MTMR2: variants seen among roughly 807,000 people sequenced by gnomAD.
The protein encoded by MTMR2 is myotubularin related protein 2.
MTMR2 carries 55 observed loss-of-function variants against 86.9 expected under a neutral mutation model. The ratio of observed to expected loss-of-function variants is 0.63; its 90% CI spans 0.51 to 0.79. MTMR2 has a LOEUF of 0.79. Among genes scored for constraint, MTMR2 ranks in the 30% least tolerant of loss-of-function variants. The pLI, the probability that MTMR2 is intolerant of heterozygous loss-of-function variation, is 0.00. For synonymous variants in MTMR2, 241 were observed against 266.8 expected (o/e 0.90, Z 0.94); for missense variants, 659 against 772.3 (o/e 0.85, Z 1.74).
intron 7 of MTMR2, among the ~76,000 whole-genome samples, chr11:95,851,996 T>C (rs537566423): frequency 1.3e-5 from 2 of 152,350 alleles, no homozygotes; most frequent in South Asian, 4.1e-4. Flanking sequence ...TTTTCCATCC[T>C]TCACTGTATA....
chr11:95,899,380 G>A (rs1865990969), intron 1 of MTMR2, among the ~76,000 whole-genome samples: 1 of 152,076 alleles, frequency 6.6e-6, no homozygotes, highest in African/African-American at 2.4e-5. Context: ...GCTGCTTTCT[G>A]TCTTGAAATT....
At position 95,888,720 on chromosome 11, in the gene MTMR2, T is replaced by TACAC. The variant is rs139869459; in HGVS notation, c.81-463_81-460dup. Reference sequence around the variant, plus strand: ...AAATAGAAACACATACACACACACATACACACACACACACACACACAAACA... The same window carrying TACAC: ...AAATAGAAACACATACACACACACATACACACACACACACACACACACACAAACA... On this transcript the variant is annotated intron_variant, in intron 1 of 14. Transcript: ENST00000346299. 1.4e-3 allele frequency among the ~76,000 whole-genome samples: 187 copies of TACAC among 136,780 alleles called. 2 individuals carry two copies. The Middle Eastern group carries it at 0.015, about 11-fold the overall frequency. The allele number at this position is 136,780 out of a possible 152,430, so 89.7% of individuals were successfully genotyped here.
At chr11:95,915,824 C>T (rs966137403) in intron 1 of MTMR2, among the ~76,000 whole-genome samples, 5 of 152,140 alleles carry the variant, frequency 3.3e-5, no homozygotes, top group African/African-American at 1.2e-4. Flanking sequence ...CCGTGCAATT[C>T]CTTGAGCTCT....
At chr11:95,907,541 C>G (rs963393355) in intron 1 of MTMR2, among the ~76,000 whole-genome samples, 7 of 151,998 alleles carry the variant, frequency 4.6e-5, no homozygotes, top group African/African-American at 1.7e-4. Context: ...GATACAAAAG[C>G]CTGGCAGACA....
chr11:95,922,210 T>C (rs1866952511), intron 1 of MTMR2, among the ~76,000 whole-genome samples: 1 of 152,174 alleles, frequency 6.6e-6, no homozygotes, highest in African/African-American at 2.4e-5. Context: ...ACCAAAGAGC[T>C]AGCTCAGCCA....
At chr11:95,866,276 A>C (rs1216918782) in intron 2 of MTMR2, 1 of 155,856 alleles carries the variant, frequency 6.4e-6, no homozygotes, top group African/African-American at 2.4e-5. Context: ...AAGAATGTGG[A>C]TACAGAAACA....
rs1413555427 is a variant in MTMR2 at position 95,910,024 on chromosome 11, C to T, written c.80+13851G>A. On this transcript the variant is annotated intron_variant, in intron 1 of 14. Coordinates refer to ENST00000346299, the MANE Select transcript of MTMR2 (RefSeq NM_016156.6). ...AAAATTGAATATACATACTTTTAAA[C>T]TTACAAGTTTTAGTTAACTGATGAA... Among the ~76,000 whole-genome samples, 4 of 152,036 alleles carry T rather than the reference C, an allele frequency of 2.6e-5. No individual in the cohort carries two copies. The South Asian group carries it at 8.3e-4, about 32-fold the overall frequency.
At chr11:95,877,321 A>C (rs1865152883) in intron 2 of MTMR2, among the ~76,000 whole-genome samples, 2 of 124,150 alleles carry the variant, frequency 1.6e-5, no homozygotes, top group East Asian at 2.6e-4. Flanking sequence ...AAGATCAAGC[A>C]CAGGGAAGCC....
rs1324793477 is a variant in MTMR2, at chr11:95,849,781, T to G, written c.886A>C (p.Ser296Arg). 6.2e-7 allele frequency: 1 copy of G among 1,614,058 alleles called. No homozygotes were observed. Among genetic ancestry groups the G allele is most frequent in the East Asian group, 2.2e-5 (1 of 44,890 alleles). ...TGAAGGTATTTTTCATCTTCTTTGC[T>G]TCGCTTTCCACTCACTCCAACCATG... ...QPMVGVSGKR[S>R]KEDEKYLQAI... Residue 296 changes from serine to arginine, a missense_variant, in exon 9 of 15, where the codon AGC (serine) becomes CGC (arginine). Physicochemically the swap from Ser to Arg is moderately radical, Grantham distance 110. This residue lies in a region of MTMR2 where 387 missense variants were observed against 526.3 expected (regional missense o/e 0.74). Coordinates refer to ENST00000346299, the MANE Select transcript of MTMR2 (RefSeq NM_016156.6).
Position 95,835,412 on chromosome 11 carries a change from G to A in MTMR2, c.1810C>T (p.Arg604Ter), listed in dbSNP as rs138746296. 7.4e-6 allele frequency: 12 copies of A among 1,612,966 alleles called. No individual in the cohort carries two copies. Among genetic ancestry groups the A allele is most frequent in the Admixed American group, 1.7e-5 (1 of 59,870 alleles). ...TCTACTTTTTTCTGAAGCTCTGCTC[G>A]TTTAGCAAGAAGTTCTTTGTATCTG... Reference protein sequence around the residue: ...HNRYKELLAKRAELQKKVEEL... With the variant: ...HNRYKELLAK Residue 604 changes from arginine (R) to a stop codon, truncating the protein, a stop_gained, in exon 15 of 15, where the codon CGA (arginine) becomes TGA (stop). Transcript: ENST00000346299. LOFTEE classifies it high-confidence loss of function.
intron 1 of MTMR2, among the ~76,000 whole-genome samples, chr11:95,905,042 T>G (rs1416268034): frequency 2.0e-5 from 3 of 152,178 alleles, no homozygotes; most frequent in Admixed American, 6.5e-5. Flanking sequence ...TTTAACATAG[T>G]TGATCACACC....
At position 95,836,300 on chromosome 11, in the gene MTMR2, G is replaced by A. The variant is rs142687077; in HGVS notation, c.1618C>T (p.Leu540=). The A allele has an allele frequency of 1.4e-5, 22 of 1,612,758 alleles. No individual in the cohort carries two copies. Among genetic ancestry groups the A allele is most frequent in the Admixed American group, 3.3e-5 (2 of 59,928 alleles). The part of the protein sequence containing the change: ...KENLPKRTVS[L]WSYINSQLED... ...AGCTGGCTGTTTATGTAAGACCACA[G>A]TGACACAGTCCTTTTAGGAAGATTC... The change falls in exon 14 of 15, where the codon CTG becomes TTG. Residue 540 remains leucine, a synonymous_variant. Coordinates refer to ENST00000346299, the MANE Select transcript of MTMR2 (RefSeq NM_016156.6).
chr11:95,850,923 T>C (rs1489523429), intron 7 of MTMR2, among the ~76,000 whole-genome samples, 174 bp from the exon 8 acceptor site: 1 of 152,188 alleles, frequency 6.6e-6, no homozygotes, highest in Non-Finnish European at 1.5e-5. Context: ...TATTCTAATG[T>C]AGGGATACGT....
intron 1 of MTMR2, among the ~76,000 whole-genome samples, chr11:95,898,730 C>T (rs1317074843): frequency 6.6e-6 from 1 of 152,060 alleles, no homozygotes; most frequent in Non-Finnish European, 1.5e-5. Flanking sequence ...GAGAGACCAC[C>T]TAACAATGCT....
chr11:95,862,554 C>T (rs1864465121), intron 3 of MTMR2, among the ~76,000 whole-genome samples, 188 bp from the exon 4 acceptor site: 2 of 152,220 alleles, frequency 1.3e-5, no homozygotes, highest in South Asian at 2.1e-4. Flanking sequence ...GGAAGAAACA[C>T]AGAATTAAAT....
chr11:95,882,935 A>C (rs937893995), intron 2 of MTMR2, among the ~76,000 whole-genome samples: 186 of 116,904 alleles, frequency 1.6e-3, no homozygotes, highest in African/African-American at 6.0e-3. Context: ...TTTTAGAGAG[A>C]CGGGGTTTCA....
chr11:95,876,909 G>T (rs1038638216), intron 2 of MTMR2, among the ~76,000 whole-genome samples: 3 of 151,898 alleles, frequency 2.0e-5, no homozygotes, highest in Non-Finnish European at 4.4e-5. Flanking sequence ...CTATAAACTC[G>T]ATCTAGAAGT....
chr11:95,865,451 A>G, intron 3 of MTMR2, 150 bp downstream of exon 3: 1 of 774,308 alleles, frequency 1.3e-6, no homozygotes, highest in South Asian at 1.4e-5. Flanking sequence ...TTTGTAGAAC[A>G]CACTAAGATG....
chr11:95,846,702 T>C (rs1433212285), intron 10 of MTMR2, among the ~76,000 whole-genome samples: 2 of 152,100 alleles, frequency 1.3e-5, no homozygotes, highest in Non-Finnish European at 1.5e-5. Flanking sequence ...AAATTAAATA[T>C]CTGGAGTTTT....
Sources: gnomAD v4.1 joint callset for allele counts (sites outside exome capture counted in the v4.1 genomes callset) on GRCh38, gnomAD v4.1.1 for gene constraint, gnomAD v4.1.1 regional missense constraint, MANE v1.5 for transcripts, NCBI Gene and HGNC (gene_info 2026-07-23, HGNC 2026-07-21) for gene names.